Variants in ZRANB3 observed in about 807,000 individuals in gnomAD.
ZRANB3 encodes the protein DNA annealing helicase and endonuclease ZRANB3.
A neutral mutation model predicts 133.8 loss-of-function variants in ZRANB3; 125 were observed. The observed-to-expected ratio is 0.93, with a 90% confidence interval of 0.81 to 1.08. The LOEUF (loss-of-function observed/expected upper bound fraction) is 1.08. Among genes scored for constraint, ZRANB3 ranks in the 50% least tolerant of loss-of-function variants. ZRANB3 has a pLI of 0.00. For missense variants in ZRANB3, 1,229 were observed against 1,275.5 expected (o/e 0.96, Z 0.56); for synonymous variants, 387 against 432.7 (o/e 0.89, Z 1.31).
intron 1 of ZRANB3, among the ~76,000 whole-genome samples, chr2:135,512,514 G>C (rs893859204): frequency 6.6e-6 from 1 of 151,532 alleles, no homozygotes; most frequent in Non-Finnish European, 1.5e-5. Context: ...GATATTAAAT[G>C]TAAATGGACT....
intron 2 of ZRANB3, among the ~76,000 whole-genome samples, chr2:135,441,701 G>C (rs555036756): frequency 6.6e-6 from 1 of 152,050 alleles, no homozygotes; most frequent in South Asian, 2.1e-4. Flanking sequence ...TATTTTACCA[G>C]AATTAAGTCA....
At chr2:135,380,307 G>A (rs1686632662) in intron 3 of ZRANB3, among the ~76,000 whole-genome samples, 2 of 152,178 alleles carry the variant, frequency 1.3e-5, no homozygotes, top group Admixed American at 1.3e-4. Context: ...TCTGCACCAA[G>A]CGGACCTAAT....
At chr2:135,498,582 C>T (rs891281350) in intron 2 of ZRANB3, among the ~76,000 whole-genome samples, 3 of 152,150 alleles carry the variant, frequency 2.0e-5, no homozygotes, top group South Asian at 2.1e-4. Flanking sequence ...AGGATAACAG[C>T]GATGTTCAGG....
chr2:135,265,392 G>T, intron 12 of ZRANB3, 142 bp downstream of exon 12: 2 of 820,466 alleles, frequency 2.4e-6, no homozygotes, highest in Non-Finnish European at 3.5e-6. Context: ...TTAATTTTTG[G>T]CTCTAAGAGG....
At chr2:135,396,805 A>G (rs1215763186) in intron 2 of ZRANB3, among the ~76,000 whole-genome samples, 5 of 152,184 alleles carry the variant, frequency 3.3e-5, no homozygotes, top group Non-Finnish European at 7.3e-5. Context: ...AAAATAATTA[A>G]AACAATATAA....
chr2:135,267,111 G>C (rs74838637), intron 11 of ZRANB3, among the ~76,000 whole-genome samples: 4 of 152,266 alleles, frequency 2.6e-5, no homozygotes, highest in Admixed American at 6.5e-5. Flanking sequence ...ATATTTTACA[G>C]TTTGACTCTT....
At chr2:135,511,922 G>A in intron 1 of ZRANB3, 1 of 759,500 alleles carries the variant, frequency 1.3e-6, no homozygotes. Flanking sequence ...ACCAGCAGGG[G>A]ACTAGCCTTC....
chr2:135,254,749 ATT>A (rs1001779165), intron 12 of ZRANB3, among the ~76,000 whole-genome samples: 2 of 151,222 alleles, frequency 1.3e-5, no homozygotes, highest in African/African-American at 2.4e-5. Flanking sequence ...ATTGTAGAAC[ATT>A]TTCTTTTTTT....
chr2:135,452,464 C>T (rs547772816), intron 2 of ZRANB3, among the ~76,000 whole-genome samples: 1 of 152,222 alleles, frequency 6.6e-6, no homozygotes, highest in South Asian at 2.1e-4. Context: ...CCTAAAAGTC[C>T]ACAATCCAAA....
chr2:135,283,419 G>A (rs1050997828), intron 8 of ZRANB3, among the ~76,000 whole-genome samples: 1 of 152,102 alleles, frequency 6.6e-6, no homozygotes, highest in Admixed American at 6.5e-5. Flanking sequence ...GACCATCCTG[G>A]CTAACATGGT....
intron 3 of ZRANB3, among the ~76,000 whole-genome samples, chr2:135,385,858 G>C (rs1350966042): frequency 6.6e-6 from 1 of 151,652 alleles, no homozygotes; most frequent in African/African-American, 2.4e-5. Context: ...TTAAAGACTT[G>C]AATGGTTTTA....
chr2:135,503,355 C>T (rs1218625895), intron 2 of ZRANB3, among the ~76,000 whole-genome samples: 1 of 152,158 alleles, frequency 6.6e-6, no homozygotes, highest in Non-Finnish European at 1.5e-5. Flanking sequence ...CCAAGCATGG[C>T]AAAATGTTAA....
intron 2 of ZRANB3, among the ~76,000 whole-genome samples, chr2:135,467,949 ATATACATG>A (rs1691071349): frequency 6.6e-6 from 1 of 152,244 alleles, no homozygotes; most frequent in Non-Finnish European, 1.5e-5. Flanking sequence ...TACCAGCTCA[ATATACATG>A]TGTTGAATAA....
intron 15 of ZRANB3, among the ~76,000 whole-genome samples, chr2:135,220,502 A>G (rs919914539): frequency 1.3e-5 from 2 of 151,868 alleles, no homozygotes; most frequent in African/African-American, 4.8e-5. Context: ...GTTCGAGACG[A>G]GCCTGACCAA....
chr2:135,376,490 T>G (rs1455671260), intron 3 of ZRANB3, among the ~76,000 whole-genome samples: 2 of 152,150 alleles, frequency 1.3e-5, no homozygotes, highest in East Asian at 3.8e-4. Context: ...ATCCATACAA[T>G]GCAATATAAA....
intron 2 of ZRANB3, among the ~76,000 whole-genome samples, chr2:135,481,526 CAT>C (rs773469567): frequency 6.6e-6 from 1 of 152,098 alleles, no homozygotes; most frequent in African/African-American, 2.4e-5. Flanking sequence ...CCCTTTGTCA[CAT>C]GAGTAAGTTG....
At chr2:135,490,596 A>C (rs1363874302) in intron 2 of ZRANB3, among the ~76,000 whole-genome samples, 2 of 152,234 alleles carry the variant, frequency 1.3e-5, no homozygotes, top group African/African-American at 4.8e-5. Flanking sequence ...GAGATTCCTC[A>C]AGAAACTAAA....
chr2:135,403,028 G>A (rs183684015), intron 2 of ZRANB3, among the ~76,000 whole-genome samples: 44 of 152,300 alleles, frequency 2.9e-4, no homozygotes, highest in African/African-American at 9.9e-4. Flanking sequence ...CAGTGTGGGC[G>A]ACGCAGAAGA....
At chr2:135,268,624 A>C (rs530011783) in intron 11 of ZRANB3, among the ~76,000 whole-genome samples, 1 of 152,190 alleles carries the variant, frequency 6.6e-6, no homozygotes, top group South Asian at 2.1e-4. Flanking sequence ...GAACTCAAGA[A>C]TTCTTCTAGA....
Sources: gnomAD v4.1 joint callset for allele counts (sites outside exome capture counted in the v4.1 genomes callset) on GRCh38, gnomAD v4.1.1 for gene constraint, MANE v1.5 for transcripts, NCBI Gene and HGNC (gene_info 2026-07-23, HGNC 2026-07-21) for gene names.